The following SLC9D1 variants were observed in gnomAD, a reference collection of about 807,000 sequenced individuals.
SLC9D1 encodes the protein solute carrier family 9 member D1, also known as putative LAG1-interacting protein.
At chr13:113,498,818 C>T in the SLC9D1 span, among the ~76,000 whole-genome samples, 8 of 152,170 alleles carry the variant, frequency 5.3e-5, no homozygotes, top group African/African-American at 1.9e-4. Context: ...ACAGCCTGGA[C>T]AGTTGGGTTT....
At chr13:113,539,265 G>A in the SLC9D1 span, 1 of 1,220,272 alleles carries the variant, frequency 8.2e-7, no homozygotes, top group Non-Finnish European at 1.2e-6. The surrounding 1 kb of genome is among the most constrained non-coding windows in gnomAD (Gnocchi z 4.8). Flanking sequence ...TTTTGTCGTG[G>A]TGGCTCTGCT....
At chr13:113,504,081 AG>A in the SLC9D1 span, 1 of 153,432 alleles carries the variant, frequency 6.5e-6, no homozygotes, top group Non-Finnish European at 1.5e-5. Flanking sequence ...CTGTGAATTA[AG>A]ATCAGATACC....
the SLC9D1 span, chr13:113,510,477 G>T: frequency 6.4e-7 from 1 of 1,553,694 alleles, no homozygotes; most frequent in Non-Finnish European, 8.8e-7. Flanking sequence ...GTGTGTAGGT[G>T]ACTTTTGGAT....
the SLC9D1 span, among the ~76,000 whole-genome samples, chr13:113,491,978 T>A: frequency 2.6e-5 from 4 of 152,264 alleles, no homozygotes; most frequent in Non-Finnish European, 5.9e-5. Context: ...GTAGTTTTTT[T>A]CTCCTACAGG....
the SLC9D1 span, among the ~76,000 whole-genome samples, chr13:113,531,605 G>A: frequency 2.7e-5 from 4 of 147,208 alleles, no homozygotes; most frequent in Admixed American, 2.0e-4. Context: ...CAGCACACGC[G>A]TGTGGACCTG....
chr13:113,528,863 C>T, the SLC9D1 span: 1 of 152,202 alleles, frequency 6.6e-6, no homozygotes, highest in African/African-American at 2.4e-5. Flanking sequence ...GCTACAATGT[C>T]CAACATAAGT....
the SLC9D1 span, chr13:113,530,449 T>A: frequency 4.6e-5 from 7 of 152,284 alleles, no homozygotes; most frequent in East Asian, 1.2e-3. Context: ...GAAATATATA[T>A]ATGTATATAT....
chr13:113,496,003 C>T, the SLC9D1 span: 38 of 1,611,356 alleles, frequency 2.4e-5, no homozygotes, highest in Non-Finnish European at 3.1e-5. Flanking sequence ...CGCCTGGAGG[C>T]CCTGAGAGAG....
At chr13:113,542,651 T>G in the SLC9D1 span, among the ~76,000 whole-genome samples, 313 of 152,256 alleles carry the variant, frequency 2.1e-3, no homozygotes, top group African/African-American at 7.2e-3. Flanking sequence ...TCAGGGTCTG[T>G]GGAGCAGCCT....
chr13:113,518,383 C>A, the SLC9D1 span, among the ~76,000 whole-genome samples: 1 of 152,118 alleles, frequency 6.6e-6, no homozygotes, highest in Non-Finnish European at 1.5e-5. Context: ...CATGGCCTAG[C>A]GGGCAACAGT....
the SLC9D1 span, among the ~76,000 whole-genome samples, chr13:113,520,185 C>T: frequency 6.6e-6 from 1 of 152,140 alleles, no homozygotes; most frequent in South Asian, 2.1e-4. Context: ...AAAGTCTATT[C>T]TTAAAAATGT....
chr13:113,548,399 T>C, the SLC9D1 span: 1 of 1,612,742 alleles, frequency 6.2e-7, no homozygotes, highest in East Asian at 2.2e-5. Context: ...GGTCAGCGAG[T>C]TTTCCTTTGT....
the SLC9D1 span, among the ~76,000 whole-genome samples, chr13:113,513,522 G>T: frequency 6.6e-6 from 1 of 152,172 alleles, no homozygotes; most frequent in South Asian, 2.1e-4. Flanking sequence ...ATGTTTGGGA[G>T]GTAGTTAGAG....
At chr13:113,501,874 T>A in the SLC9D1 span, 1 of 1,608,564 alleles carries the variant, frequency 6.2e-7, no homozygotes, top group Non-Finnish European at 8.5e-7. Flanking sequence ...GACTAAATAG[T>A]ATTAAGGTAA....
At chr13:113,535,552 G>C in the SLC9D1 span, among the ~76,000 whole-genome samples, 1 of 152,178 alleles carries the variant, frequency 6.6e-6, no homozygotes, top group Admixed American at 6.5e-5. This position sits in a 1 kb window ranked among gnomAD's most constrained non-coding sequence, Gnocchi z 4.1. Context: ...CAGTCCAAAG[G>C]TACTTCAGTG....
chr13:113,534,355 T>C, the SLC9D1 span: 3 of 854,736 alleles, frequency 3.5e-6, no homozygotes. Flanking sequence ...ATTTGAAACA[T>C]TTACTAGTAT....
At chr13:113,527,626 T>G in the SLC9D1 span, 1 of 152,262 alleles carries the variant, frequency 6.6e-6, no homozygotes, top group African/African-American at 2.4e-5. Flanking sequence ...TTTTCAGAAA[T>G]TGTATTACCA....
the SLC9D1 span, chr13:113,498,278 A>G: frequency 8.0e-7 from 1 of 1,252,646 alleles, no homozygotes; most frequent in Non-Finnish European, 1.1e-6. Flanking sequence ...AGGATTGATT[A>G]AGAAAGTCAT....
the SLC9D1 span, among the ~76,000 whole-genome samples, chr13:113,530,895 A>G: frequency 6.6e-6 from 1 of 152,222 alleles, no homozygotes; most frequent in Non-Finnish European, 1.5e-5. Flanking sequence ...AAAGTAGGAA[A>G]CACCCACCCT....
Sources: allele counts gnomAD v4.1 joint callset (sites outside exome capture counted in the v4.1 genomes callset), GRCh38; gene constraint gnomAD v4.1.1; non-coding constraint Gnocchi (gnomAD v3.1); transcripts MANE v1.5; gene names NCBI Gene and HGNC (gene_info 2026-07-23, HGNC 2026-07-21).